Variants in KIAA1614 observed in about 807,000 individuals in gnomAD.
The protein encoded by KIAA1614 is KIAA1614, also known as uncharacterized protein KIAA1614.
KIAA1614 carries 76 observed loss-of-function variants against 88.7 expected under a neutral mutation model. The observed-to-expected ratio is 0.86, with a 90% CI of 0.71 to 1.04. KIAA1614 has a LOEUF of 1.04. KIAA1614 is among the 50% of genes least tolerant of loss of function. KIAA1614 has a pLI of 0.00. For missense variants in KIAA1614, 1,553 were observed against 1,582.5 expected (o/e 0.98, Z 0.32); for synonymous variants, 714 against 675.5 (o/e 1.06, Z -0.88).
At chr1:180,928,408 T>G in intron 3 of KIAA1614, 22 bp from the exon 4 acceptor site, 1 of 1,570,174 alleles carries the variant, frequency 6.4e-7, no homozygotes, top group Admixed American at 1.8e-5. Flanking sequence ...CCCACCACCC[T>G]GGCCTGTGTG....
At chr1:180,921,127 TGAAGGGAGATA>T (rs1198848735) in intron 3 of KIAA1614, among the ~76,000 whole-genome samples, 1 of 149,588 alleles carries the variant, frequency 6.7e-6, no homozygotes. Flanking sequence ...AGAGAGTCAG[TGAAGGGAGATA>T]GGGGTGGGGC....
rs763519536 is a variant in KIAA1614 at position 180,917,039 on chromosome 1, G to A, written c.936G>A (p.Gly312=). ...TGCAGGAGATGCTCAACGTTTCTGGGCAGAGCCCCCGCAAGGTGGGAACCC... is the reference window on the plus strand; with the variant it reads ...TGCAGGAGATGCTCAACGTTTCTGGACAGAGCCCCCGCAAGGTGGGAACCC... ...LLLQEMLNVS[G]QSPRKVGTPA... Residue 312 remains glycine (G), a synonymous_variant, in exon 2 of 9, where the codon GGG becomes GGA. Transcript: ENST00000367588. 5 of 1,613,820 alleles carry A rather than the reference G, an allele frequency of 3.1e-6. No homozygotes were observed. The highest frequency in any genetic ancestry group is 4.2e-6 in the Non-Finnish European group (5 of 1,180,032).
At chr1:180,917,138 C>G in intron 2 of KIAA1614, 38 bp downstream of exon 2, 1 of 1,541,198 alleles carries the variant, frequency 6.5e-7, no homozygotes, top group Non-Finnish European at 8.9e-7. Context: ...GTGGGGGGAG[C>G]AGGAGGGAAT....
In KIAA1614 at chr1:180,925,111, C is replaced by T. The variant is rs1010310182; in HGVS notation, c.1062-3319C>T. 3.9e-5 allele frequency among the ~76,000 whole-genome samples: 6 copies of T among 151,994 alleles called. No individual in the cohort carries two copies. The South Asian group carries it at 1.2e-3, about 32-fold the overall frequency. On this transcript the variant is annotated intron_variant, in intron 3 of 8. Coordinates refer to ENST00000367588, the MANE Select transcript of KIAA1614 (RefSeq NM_020950.2). ...GAACCCCAGGCAGGCTGCCCCCAAGCCACACACTTCCCCGCCACTCTAGGC... is the reference window on the plus strand; with the variant it reads ...GAACCCCAGGCAGGCTGCCCCCAAGTCACACACTTCCCCGCCACTCTAGGC...
chr1:180,916,244 A>G lies in KIAA1614; in HGVS notation c.141A>G (p.Gly47=). The G allele has an allele frequency of 6.2e-7, 1 of 1,613,406 alleles. No individual in the cohort carries two copies. The highest frequency in any genetic ancestry group is 8.5e-7 in the Non-Finnish European group (1 of 1,179,924). Residue 47 remains glycine, a synonymous_variant, in exon 2 of 9, where the codon GGA becomes GGG. Coordinates refer to ENST00000367588, the MANE Select transcript of KIAA1614 (RefSeq NM_020950.2). ...WSGPEPQLDN[G]HPPRPWPCPQ... ...GTCCTGAGCCACAGCTGGATAACGG[A>G]CACCCCCCAAGACCCTGGCCTTGCC...
At chr1:180,926,725 G>A (rs1220806927) in intron 3 of KIAA1614, among the ~76,000 whole-genome samples, 2 of 152,226 alleles carry the variant, frequency 1.3e-5, no homozygotes, top group Admixed American at 6.5e-5. Flanking sequence ...CTGCAGGGGC[G>A]CCTCTCCGGG....
chr1:180,914,070 T>G (rs184888992), intron 1 of KIAA1614: 13 of 152,164 alleles, frequency 8.5e-5, no homozygotes, highest in Non-Finnish European at 1.5e-5. Context: ...AATTTTATGG[T>G]GAATACTTGG....
In KIAA1614 at chr1:180,937,817, C is replaced by T. The variant is rs138117704; in HGVS notation, c.2762-738C>T. 3.5e-3 allele frequency among the ~76,000 whole-genome samples: 535 copies of T among 152,294 alleles called. 5 individuals carry two copies. The highest frequency in any genetic ancestry group is 0.01 in the African/African-American group (426 of 41,562). On this transcript the variant is annotated intron_variant, in intron 5 of 8. Coordinates refer to ENST00000367588, the MANE Select transcript of KIAA1614 (RefSeq NM_020950.2). Reference sequence around the variant, plus strand: ...GTCCCTCCCACCCTGTGCTGAGTGGCGATTTCCTTCTCTGGTGGGCTCTAG... The same window carrying T: ...GTCCCTCCCACCCTGTGCTGAGTGGTGATTTCCTTCTCTGGTGGGCTCTAG...
At chr1:180,918,557 C>A (rs1206070827) in intron 3 of KIAA1614, among the ~76,000 whole-genome samples, 2 of 152,214 alleles carry the variant, frequency 1.3e-5, no homozygotes, top group Non-Finnish European at 2.9e-5. Context: ...CATCGGCAGG[C>A]CTGACTGCAG....
intron 4 of KIAA1614, among the ~76,000 whole-genome samples, 160 bp from the exon 5 acceptor site, chr1:180,934,955 A>G (rs1298882987): frequency 1.3e-5 from 2 of 152,220 alleles, no homozygotes; most frequent in Non-Finnish European, 2.9e-5. Context: ...TGGTTTGCCG[A>G]GACGCCCCCA....
At chr1:180,918,303 G>A (rs1021691107) in intron 3 of KIAA1614, among the ~76,000 whole-genome samples, 3 of 152,192 alleles carry the variant, frequency 2.0e-5, no homozygotes, top group Non-Finnish European at 4.4e-5. Flanking sequence ...AATCACTGGG[G>A]AAAATGTACA....
chr1:180,916,844 C>G lies in KIAA1614; in HGVS notation c.741C>G (p.Gly247=). Residue 247 remains glycine, a synonymous_variant, in exon 2 of 9, where the codon GGC becomes GGG. Transcript: ENST00000367588. ...GAAGGTCCTACCCTTTTCCAGATGG[C>G]GTGGTGACAGAGGCAGATCTGGATA... ...RTGRSYPFPD[G]VVTEADLDST... 1 of 1,614,234 alleles carries G rather than the reference C, an allele frequency of 6.2e-7. No individual in the cohort carries two copies. Among genetic ancestry groups the G allele is most frequent in the East Asian group, 2.2e-5 (1 of 44,888 alleles).
At chr1:180,942,439 G>A (rs752748763) in intron 7 of KIAA1614, among the ~76,000 whole-genome samples, 2 of 152,202 alleles carry the variant, frequency 1.3e-5, no homozygotes, top group Non-Finnish European at 2.9e-5. Context: ...AGCGGTTTGC[G>A]TCGCTGGCGC....
Position 180,945,292 on chromosome 1 carries a change from T to A in KIAA1614, c.3288-11T>A. The A allele has an allele frequency of 1.9e-6, 3 of 1,575,870 alleles. No homozygotes were observed. Among genetic ancestry groups the A allele is most frequent in the Non-Finnish European group, 2.6e-6 (3 of 1,169,678 alleles). On this transcript the variant is annotated splice_polypyrimidine_tract_variant and intron_variant, in intron 8 of 8. Transcript: ENST00000367588. ...CTTTTTGCCCTCACTGTGTCTCTGG[T>A]TCCCTCGCAGGCCGGCCAAGACTTC...
intron 8 of KIAA1614, chr1:180,944,857 T>TA (rs1654553077): frequency 3.9e-6 from 1 of 254,068 alleles, no homozygotes; most frequent in South Asian, 7.7e-5. Context: ...AATAAACACA[T>TA]AGAGACAGAG....
Position 180,936,551 on chromosome 1 carries a change from GCAA to G in KIAA1614, c.2648_2650del (p.Asn883del), listed in dbSNP as rs778184416. 1.9e-6 allele frequency: 3 copies of G among 1,613,980 alleles called. No homozygotes were observed. Among genetic ancestry groups the G allele is most frequent in the Non-Finnish European group, 2.5e-6 (3 of 1,179,996 alleles). On this transcript the variant is annotated inframe_deletion, in exon 5 of 9. Coordinates refer to ENST00000367588, the MANE Select transcript of KIAA1614 (RefSeq NM_020950.2). Reference sequence around the variant, plus strand: ...CTGCTGGCCCTGTCCACCAACAACTGCAACAACAGCGCACCTCGGGGGCTGCAG... The same window carrying G: ...CTGCTGGCCCTGTCCACCAACAACTGCAACAGCGCACCTCGGGGGCTGCAG...
chr1:180,940,730 T>C (rs1234434676), intron 6 of KIAA1614, among the ~76,000 whole-genome samples: 1 of 151,802 alleles, frequency 6.6e-6, no homozygotes, highest in Non-Finnish European at 1.5e-5. Flanking sequence ...CTTTCTTTTC[T>C]TTTTTTTGGG....
In KIAA1614 at chr1:180,940,737, T is replaced by C. The variant is rs559068624; in HGVS notation, c.2919-308T>C. Reference sequence around the variant, plus strand: ...CCTTTTTTCTTTCTTTTCTTTTTTTTGGGTCTCACTATGTCGCCCAGGTTG... The same window carrying C: ...CCTTTTTTCTTTCTTTTCTTTTTTTCGGGTCTCACTATGTCGCCCAGGTTG... On this transcript the variant is annotated intron_variant, in intron 6 of 8. Transcript: ENST00000367588. Among the ~76,000 whole-genome samples the C allele has an allele frequency of 7.9e-5, 12 of 152,100 alleles. No homozygotes were observed. The South Asian group carries it at 2.1e-3, about 26-fold the overall frequency.
intron 7 of KIAA1614, among the ~76,000 whole-genome samples, chr1:180,943,278 T>C (rs1654511122): frequency 6.6e-6 from 1 of 151,974 alleles, no homozygotes; most frequent in Non-Finnish European, 1.5e-5. Context: ...CCACCTGCCT[T>C]GGCCTCCCAA....
Sources: gnomAD v4.1 joint callset for allele counts (sites outside exome capture counted in the v4.1 genomes callset) on GRCh38, gnomAD v4.1.1 for gene constraint, MANE v1.5 for transcripts, NCBI Gene and HGNC (gene_info 2026-07-23, HGNC 2026-07-21) for gene names.